The following ACAA1 variants were observed in gnomAD, a reference collection of about 807,000 sequenced individuals.
ACAA1 encodes the protein acetyl-CoA acyltransferase 1, also known as 3-ketoacyl-CoA thiolase, peroxisomal.
A neutral mutation model predicts 48.8 loss-of-function variants in ACAA1; 44 were observed. The observed-to-expected ratio is 0.90, with a 90% CI of 0.71 to 1.16. The LOEUF (loss-of-function observed/expected upper bound fraction) is 1.16, where lower values mean the gene tolerates loss of function less well. ACAA1 is among the 50% of genes most tolerant of loss of function. The pLI, the probability that ACAA1 is intolerant of heterozygous loss-of-function variation, is 0.00. For missense variants in ACAA1, 512 were observed against 562.3 expected, an observed-to-expected ratio of 0.91 and a Z score of 0.90; for synonymous variants, 233 against 226.5, an observed-to-expected ratio of 1.03 and a Z score of -0.26.
intron 4 of ACAA1, 43 bp from the exon 5 acceptor site, chr3:38,131,681 C>T (rs1343181080): frequency 1.2e-6 from 2 of 1,608,854 alleles, no homozygotes; most frequent in East Asian, 2.2e-5. Context: ...CCAGAGTCCA[C>T]CTGTTCTGGA....
At chr3:38,132,068 C>T in intron 3 of ACAA1, 63 bp from the exon 4 acceptor site, 1 of 1,442,090 alleles carries the variant, frequency 6.9e-7, no homozygotes, top group East Asian at 2.3e-5. Context: ...TCATGGAAAG[C>T]AGTCCTATGC....
rs1700674943 is a variant in ACAA1 at position 38,126,047 on chromosome 3, C to T, written c.997+115G>A. 2 of 1,437,176 alleles carry T rather than the reference C, an allele frequency of 1.4e-6. No individual in the cohort carries two copies. The highest frequency in any genetic ancestry group is 1.9e-6 in the Non-Finnish European group (2 of 1,044,758). The allele number at this position is 1,437,176 out of a possible 1,614,324, so 89.0% of individuals were successfully genotyped here. A position where few individuals can be genotyped will look rare whatever the true frequency, so the allele number is the denominator to read the frequency against. ...GCTTGAAGTATGGGACACTAGCCTG[C>T]CCCACCTCCACTCTGCAGCACCCAC... On this transcript the variant is annotated intron_variant, in intron 9 of 11. Coordinates refer to ENST00000333167, the MANE Select transcript of ACAA1 (RefSeq NM_001607.4). The surrounding 1 kb of genome is among the most constrained non-coding windows in gnomAD (Gnocchi z 4.7).
rs763654196 is a variant in ACAA1, at chr3:38,125,657, C to A, written c.1107G>T (p.Leu369=). The change falls in exon 11 of 12, where the codon CTG becomes CTT. Residue 369 remains leucine, a synonymous_variant. Coordinates refer to ENST00000333167, the MANE Select transcript of ACAA1 (RefSeq NM_001607.4). ...GGTGCCCTAAGGCCACTGCACCCCC[C>A]AGGGGGTTCACCTTCTCAGGGGGGA... is the stretch of plus-strand genomic sequence containing the variant. ...LRLPPEKVNP[L]GGAVALGHPL... 2.5e-6 allele frequency: 4 copies of A among 1,599,212 alleles called. No homozygotes were observed. In the South Asian group the frequency reaches 4.5e-5, roughly 18 times the overall value.
At chr3:38,127,608 AC>A in intron 7 of ACAA1, 177 bp downstream of exon 7, 1 of 635,830 alleles carries the variant, frequency 1.6e-6, no homozygotes, top group Admixed American at 2.4e-5. Flanking sequence ...TGGAAGTACT[AC>A]CAACTCACAG....
intron 6 of ACAA1, 77 bp from the exon 7 acceptor site, chr3:38,127,943 T>C (rs1700711650): frequency 1.3e-6 from 2 of 1,511,226 alleles, no homozygotes; most frequent in Non-Finnish European, 9.2e-7. Flanking sequence ...GAGCTGTGCT[T>C]GGAACTTTGG....
At chr3:38,128,838 A>G (rs1700730770) in intron 6 of ACAA1, among the ~76,000 whole-genome samples, 1 of 152,064 alleles carries the variant, frequency 6.6e-6, no homozygotes, top group Admixed American at 6.5e-5. Context: ...TGATCCACCC[A>G]TCTCGGCCTC....
intron 2 of ACAA1, chr3:38,135,311 C>T (rs1700868610): frequency 6.6e-6 from 1 of 152,190 alleles, no homozygotes; most frequent in African/African-American, 2.4e-5. Context: ...AAAGAAATGA[C>T]ACAGAGACAA....
In ACAA1 at chr3:38,129,436, C is replaced by A. The variant is rs766752028; in HGVS notation, c.447-48G>T. The A allele has an allele frequency of 6.9e-7, 1 of 1,442,968 alleles. No individual in the cohort carries two copies. 89.4% of individuals were successfully genotyped at this position (1,442,968 alleles called of 1,614,324 possible). On this transcript the variant is annotated intron_variant, in intron 5 of 11. Coordinates refer to ENST00000333167, the MANE Select transcript of ACAA1 (RefSeq NM_001607.4). This position sits in a 1 kb window ranked among gnomAD's most constrained non-coding sequence, Gnocchi z 5.3. ...GAAGGTAAGGTGAACTGGGCCCTAG[C>A]AGGACTCCTCCAGAGATAGCTGAAC...
At position 38,126,009 on chromosome 3, in the gene ACAA1, G is replaced by A. The variant is rs1700673857; in HGVS notation, c.998-128C>T. 2.0e-6 allele frequency: 3 copies of A among 1,500,876 alleles called. No homozygotes were observed. The East Asian group carries it at 6.8e-5, about 34-fold the overall frequency. The allele number at this position is 1,500,876 out of a possible 1,614,324, so 93.0% of individuals were successfully genotyped here. A position where few individuals can be genotyped will look rare whatever the true frequency, so the allele number is the denominator to read the frequency against. On this transcript the variant is annotated intron_variant, in intron 9 of 11. Transcript: ENST00000333167. This position sits in a 1 kb window ranked among gnomAD's most constrained non-coding sequence, Gnocchi z 4.7. ...AGAAGGGTGAGCCAATCCCAGCTGT[G>A]GGGTCAGGAAGGGCTTGAAGTATGG...
At chr3:38,125,408 C>T (rs1700654800) in intron 11 of ACAA1, 157 bp downstream of exon 11, 2 of 922,870 alleles carry the variant, frequency 2.2e-6, no homozygotes, top group Admixed American at 3.2e-5. Context: ...ACCTTAGGGA[C>T]TTTGATCTTT....
Position 38,123,116 on chromosome 3 carries a change from G to T in ACAA1, c.1206C>A (p.Tyr402Ter). The T allele has an allele frequency of 6.2e-7, 1 of 1,614,076 alleles. No homozygotes were observed. Among genetic ancestry groups the T allele is most frequent in the South Asian group, 1.1e-5 (1 of 91,078 alleles). The change falls in exon 12 of 12, where the codon TAC (tyrosine) becomes TAA (stop). Residue 402 changes from tyrosine to a stop codon, truncating the protein, a stop_gained. Coordinates refer to ENST00000333167, the MANE Select transcript of ACAA1 (RefSeq NM_001607.4). LOFTEE classifies it high-confidence loss of function. The part of the protein sequence containing the change: ...NELKRRGKRA[Y>*]GVVSMCIGTG... ...TCCCGATGCACATGGACACCACTCC[G>T]TATGCCCTGTGAAAACAAAACTTAA...
chr3:38,126,058 C>T lies in ACAA1; in HGVS notation c.997+104G>A, dbSNP rs1700675292. 1.4e-6 allele frequency: 2 copies of T among 1,480,098 alleles called. No homozygotes were observed. The highest frequency in any genetic ancestry group is 1.4e-5 in the African/African-American group (1 of 72,160). The allele number at this position is 1,480,098 out of a possible 1,614,324, so 91.7% of individuals were successfully genotyped here. A position where few individuals can be genotyped will look rare whatever the true frequency, so the allele number is the denominator to read the frequency against. ...GGGACACTAGCCTGCCCCACCTCCACTCTGCAGCACCCACAGGACCACCCT... is the reference window on the plus strand; with the variant it reads ...GGGACACTAGCCTGCCCCACCTCCATTCTGCAGCACCCACAGGACCACCCT... On this transcript the variant is annotated intron_variant, in intron 9 of 11. Coordinates refer to ENST00000333167, the MANE Select transcript of ACAA1 (RefSeq NM_001607.4). This position sits in a 1 kb window ranked among gnomAD's most constrained non-coding sequence, Gnocchi z 4.7.
chr3:38,136,459 G>A (rs1450593278), intron 2 of ACAA1, 133 bp downstream of exon 2: 2 of 853,156 alleles, frequency 2.3e-6, no homozygotes, highest in South Asian at 1.4e-5. Context: ...CAGGTGTGAA[G>A]GGGCAGGACC....
Position 38,133,949 on chromosome 3 carries a change from T to A in ACAA1, c.323+3A>T. 6.2e-7 allele frequency: 1 copy of A among 1,614,212 alleles called. No individual in the cohort carries two copies. Among genetic ancestry groups the A allele is most frequent in the Middle Eastern group, 1.7e-4 (1 of 6,058 alleles). On this transcript the variant is annotated splice_donor_region_variant and intron_variant, in intron 3 of 11. Transcript: ENST00000333167. The stretch of plus-strand genomic sequence containing the variant: ...ACCCATGGCTAGAACTAGAAAAGTT[T>A]ACCTCAGAAACTGGGCGATTCGGGC...
chr3:38,133,207 C>G (rs1254131086), intron 3 of ACAA1, among the ~76,000 whole-genome samples: 1 of 152,090 alleles, frequency 6.6e-6, no homozygotes, highest in Non-Finnish European at 1.5e-5. Flanking sequence ...TTCAAGGAGA[C>G]AGAATGACCA....
At chr3:38,134,680 T>C in intron 2 of ACAA1, 1 of 325,358 alleles carries the variant, frequency 3.1e-6, no homozygotes, top group Admixed American at 3.7e-5. Context: ...GTGCAGGATG[T>C]GCCTTGTCAA....
At chr3:38,131,856 G>T in intron 4 of ACAA1, 70 bp downstream of exon 4, 4 of 1,455,288 alleles carry the variant, frequency 2.7e-6, no homozygotes, top group Non-Finnish European at 3.9e-6. Flanking sequence ...TTGCTTGCCC[G>T]GCAGACAGCG....
intron 5 of ACAA1, 97 bp downstream of exon 5, chr3:38,131,499 G>T: frequency 7.5e-7 from 1 of 1,327,992 alleles, no homozygotes; most frequent in Non-Finnish European, 1.1e-6. Flanking sequence ...AAAGGGGATG[G>T]GGGGAATCCT....
chr3:38,123,302 G>A (rs1452827618), intron 11 of ACAA1, 180 bp from the exon 12 acceptor site: 1 of 610,966 alleles, frequency 1.6e-6, no homozygotes, highest in African/African-American at 1.8e-5. Flanking sequence ...CCCACTGCAG[G>A]CTAGTATCCC....
Sources: gnomAD v4.1 joint callset for allele counts (sites outside exome capture counted in the v4.1 genomes callset) on GRCh38, gnomAD v4.1.1 for gene constraint, Gnocchi (gnomAD v3.1) non-coding constraint, MANE v1.5 for transcripts, NCBI Gene and HGNC (gene_info 2026-07-23, HGNC 2026-07-21) for gene names.